The following PTGER3 variants were observed in gnomAD, a reference collection of about 807,000 sequenced individuals.
PTGER3 encodes the protein prostaglandin E receptor 3.
Under a neutral mutation model 34.7 loss-of-function variants are expected in PTGER3, and 22 were observed. The ratio of observed to expected loss-of-function variants is 0.63; its 90% CI spans 0.45 to 0.91. The LOEUF is 0.91. Among genes scored for constraint, PTGER3 ranks in the 40% least tolerant of loss-of-function variants. The pLI, the probability that PTGER3 is intolerant of heterozygous loss-of-function variation, is 0.00. For missense variants in PTGER3, 468 were observed against 519.4 expected, an observed-to-expected ratio of 0.90 and a Z score of 0.96; for synonymous variants, 241 against 230.1, an observed-to-expected ratio of 1.05 and a Z score of -0.43.
chr1:70,861,470 C>T (rs1426450709), intron 4 of PTGER3, among the ~76,000 whole-genome samples: 2 of 152,194 alleles, frequency 1.3e-5, no homozygotes, highest in African/African-American at 4.8e-5. Flanking sequence ...GCTGCATCAC[C>T]TTGGCTATAT....
chr1:70,983,540 T>C (rs1654600653), intron 2 of PTGER3, among the ~76,000 whole-genome samples: 1 of 152,144 alleles, frequency 6.6e-6, no homozygotes, highest in South Asian at 2.1e-4. Context: ...ATCATAAATG[T>C]TCTGTAACTC....
At chr1:71,036,197 A>C (rs559392597) in intron 1 of PTGER3, among the ~76,000 whole-genome samples, 2 of 152,288 alleles carry the variant, frequency 1.3e-5, no homozygotes, top group East Asian at 3.9e-4. Context: ...TCACTTGGGA[A>C]GAGGTAGATG....
chr1:70,876,220 G>A (rs1361664115), intron 4 of PTGER3, among the ~76,000 whole-genome samples: 1 of 151,136 alleles, frequency 6.6e-6, no homozygotes, highest in East Asian at 1.9e-4. Flanking sequence ...TATGCTTGTT[G>A]GCCATGTGTA....
chr1:70,909,371 A>G (rs1207364614), intron 4 of PTGER3, among the ~76,000 whole-genome samples: 1 of 152,188 alleles, frequency 6.6e-6, no homozygotes, highest in Non-Finnish European at 1.5e-5. Context: ...TTACACTGAA[A>G]GCCATTTTTT....
At chr1:70,930,248 A>G (rs1648554439) in intron 4 of PTGER3, among the ~76,000 whole-genome samples, 1 of 152,212 alleles carries the variant, frequency 6.6e-6, no homozygotes, top group Non-Finnish European at 1.5e-5. Context: ...ACTCCGTCCT[A>G]CTGACCCAGA....
chr1:70,897,635 A>G (rs1416974712), intron 4 of PTGER3, among the ~76,000 whole-genome samples: 1 of 152,072 alleles, frequency 6.6e-6, no homozygotes, highest in Non-Finnish European at 1.5e-5. Flanking sequence ...CCCCTTCAGG[A>G]GCTCATTTCT....
intron 2 of PTGER3, among the ~76,000 whole-genome samples, chr1:70,990,852 A>C (rs1655411169): frequency 6.6e-6 from 1 of 152,194 alleles, no homozygotes; most frequent in Admixed American, 6.5e-5. Context: ...TATTAATGGC[A>C]ATAAAAACAC....
At chr1:71,006,732 G>A (rs1657003284) in intron 2 of PTGER3, 2 of 985,070 alleles carry the variant, frequency 2.0e-6, no homozygotes, top group Non-Finnish European at 1.2e-6. Context: ...ATAGCATGGG[G>A]CTGTTGCATT....
chr1:70,924,040 C>A (rs1647811102), intron 4 of PTGER3, among the ~76,000 whole-genome samples: 1 of 152,064 alleles, frequency 6.6e-6, no homozygotes, highest in South Asian at 2.1e-4. Context: ...AGCTTCCTGA[C>A]CTGTGGTAAG....
chr1:70,903,000 G>C (rs1351465368), intron 4 of PTGER3, among the ~76,000 whole-genome samples: 1 of 152,182 alleles, frequency 6.6e-6, no homozygotes, highest in Non-Finnish European at 1.5e-5. Flanking sequence ...TTAAGATCTT[G>C]AGATGAAAAG....
At chr1:70,928,896 C>A (rs866323793) in intron 4 of PTGER3, among the ~76,000 whole-genome samples, 31 of 145,014 alleles carry the variant, frequency 2.1e-4, no homozygotes, top group Admixed American at 6.8e-4. Context: ...CACACACACA[C>A]TATATATATA....
intron 4 of PTGER3, among the ~76,000 whole-genome samples, chr1:70,900,663 A>C (rs773055168): frequency 9.2e-5 from 14 of 152,176 alleles, no homozygotes; most frequent in Non-Finnish European, 2.1e-4. Context: ...CACGTCATTA[A>C]GACAGGTATG....
At chr1:71,029,136 T>A (rs922123096) in intron 1 of PTGER3, among the ~76,000 whole-genome samples, 1 of 152,226 alleles carries the variant, frequency 6.6e-6, no homozygotes, top group African/African-American at 2.4e-5. Context: ...CTCTTAAAGC[T>A]AGGATTTATA....
intron 2 of PTGER3, chr1:71,011,846 C>T (rs1657474998): frequency 9.9e-6 from 10 of 1,012,860 alleles, no homozygotes; most frequent in Non-Finnish European, 1.1e-5. Context: ...ACTGCTATCC[C>T]TTGTCTTCAA....
intron 2 of PTGER3, among the ~76,000 whole-genome samples, chr1:70,963,622 G>T (rs993839207): frequency 6.6e-6 from 1 of 152,172 alleles, no homozygotes; most frequent in Non-Finnish European, 1.5e-5. Context: ...TCTAGCCATG[G>T]CTGGAGCAGC....
intron 2 of PTGER3, among the ~76,000 whole-genome samples, chr1:70,954,599 C>T (rs1219177275): frequency 1.3e-5 from 2 of 152,132 alleles, no homozygotes; most frequent in African/African-American, 2.4e-5. Flanking sequence ...CCCAAATTCA[C>T]GTATATGATA....
At chr1:70,917,700 T>C (rs752836583) in intron 4 of PTGER3, among the ~76,000 whole-genome samples, 9 of 151,786 alleles carry the variant, frequency 5.9e-5, no homozygotes, top group Non-Finnish European at 8.9e-5. Context: ...CTTTTTTCTC[T>C]GCCAGCATTT....
chr1:71,042,988 C>G (rs1174022266), intron 1 of PTGER3, among the ~76,000 whole-genome samples: 1 of 152,170 alleles, frequency 6.6e-6, no homozygotes, highest in African/African-American at 2.4e-5. Flanking sequence ...TTTGTATTTA[C>G]TGTTTTTGAG....
chr1:70,942,160 G>T (rs1447477357), intron 4 of PTGER3, among the ~76,000 whole-genome samples: 1 of 152,074 alleles, frequency 6.6e-6, no homozygotes, highest in Non-Finnish European at 1.5e-5. Flanking sequence ...GCCACTTACT[G>T]GTTCAGACCT....
Sources: allele counts gnomAD v4.1 joint callset (sites outside exome capture counted in the v4.1 genomes callset), GRCh38; gene constraint gnomAD v4.1.1; transcripts MANE v1.5; gene names NCBI Gene and HGNC (gene_info 2026-07-23, HGNC 2026-07-21).